MOSPD2: variants seen among roughly 807,000 people sequenced by gnomAD.
The protein encoded by MOSPD2 is motile sperm domain-containing protein 2.
MOSPD2 carries 5 observed loss-of-function variants against 41.7 expected under a neutral mutation model. The ratio of observed to expected loss-of-function variants is 0.12; its 90% CI spans 0.06 to 0.25. The LOEUF (loss-of-function observed/expected upper bound fraction) is 0.25. MOSPD2 is among the 10% of genes least tolerant of loss of function. The pLI is 1.00. For synonymous variants in MOSPD2, 115 were observed against 126.9 expected, an observed-to-expected ratio of 0.91 and a Z score of 0.63; for missense variants, 282 against 375.2, an observed-to-expected ratio of 0.75 and a Z score of 2.05.
chrX:14,880,428 G>A (rs747101438), intron 2 of MOSPD2, among the ~76,000 whole-genome samples: 1 of 111,123 alleles, frequency 9.0e-6, no homozygotes, highest in Non-Finnish European at 1.9e-5. Context: ...TTGAAATATT[G>A]ATTGTTTTCT....
Position 14,922,027 on chromosome X carries a change from C to T in MOSPD2, c.*2218C>T, listed in dbSNP as rs1013733780. ...TTGATCTGCAAGTAGCCTAAAAATG[C>T]GATTGCTGGTAAACCTGGCCTCAAA... On this transcript the variant is annotated 3_prime_UTR_variant, in exon 15 of 15. Coordinates refer to ENST00000380492, the MANE Select transcript of MOSPD2 (RefSeq NM_152581.4). 1.8e-5 allele frequency: 2 copies of T among 111,124 alleles called. No individual in the cohort carries two copies. Among genetic ancestry groups the T allele is most frequent in the East Asian group, 2.8e-4 (1 of 3,550 alleles). 9.2% of individuals were successfully genotyped at this position (111,124 alleles called of 1,213,427 possible).
At chrX:14,902,627 A>G (rs1602033692) in intron 6 of MOSPD2, among the ~76,000 whole-genome samples, 1 of 111,810 alleles carries the variant, frequency 8.9e-6, no homozygotes, top group Non-Finnish European at 1.9e-5. Context: ...CAAAAACTCC[A>G]TTTATCCACT....
intron 2 of MOSPD2, among the ~76,000 whole-genome samples, chrX:14,889,508 T>A (rs1433209089): frequency 9.1e-6 from 1 of 109,504 alleles, no homozygotes; most frequent in Non-Finnish European, 1.9e-5. Context: ...TGTGTCTCAT[T>A]CTATCTGTCT....
chrX:14,906,219 T>C (rs1365010472), intron 7 of MOSPD2, among the ~76,000 whole-genome samples: 2 of 112,355 alleles, frequency 1.8e-5, no homozygotes, highest in Non-Finnish European at 3.8e-5. Context: ...ACATTGGGCA[T>C]GTATGGGCAT....
rs2092610260 is a variant in MOSPD2, at chrX:14,921,857, A to G, written c.*2048A>G. The G allele has an allele frequency of 8.9e-6, 1 of 111,845 alleles. No homozygotes were observed. The highest frequency in any genetic ancestry group is 1.9e-5 in the Non-Finnish European group (1 of 53,313). 9.2% of individuals were successfully genotyped at this position (111,845 alleles called of 1,213,427 possible). On this transcript the variant is annotated 3_prime_UTR_variant, in exon 15 of 15. Coordinates refer to ENST00000380492, the MANE Select transcript of MOSPD2 (RefSeq NM_152581.4). The stretch of plus-strand genomic sequence containing the variant: ...AATTGCATGATTTTTTTGGTACTCT[A>G]ATCAGTAATTTTATTTTTAATCATG...
At chrX:14,905,189 C>A (rs965987990) in intron 7 of MOSPD2, among the ~76,000 whole-genome samples, 1 of 111,771 alleles carries the variant, frequency 8.9e-6, no homozygotes, top group African/African-American at 3.3e-5. Context: ...ATGCTTCCCC[C>A]CTAAGATCAG....
chrX:14,921,206 G>T lies in MOSPD2; in HGVS notation c.*1397G>T. ...GAGTTTCGATTGAGCCATGTTTGGA[G>T]ATTTTATTACTATTCTGAAGGGTAG... On this transcript the variant is annotated 3_prime_UTR_variant, in exon 15 of 15. Coordinates refer to ENST00000380492, the MANE Select transcript of MOSPD2 (RefSeq NM_152581.4). 3 of 916,268 alleles carry T rather than the reference G, an allele frequency of 3.3e-6. No individual in the cohort carries two copies. Among genetic ancestry groups the T allele is most frequent in the Non-Finnish European group, 2.7e-6 (2 of 742,085 alleles). The allele number at this position is 916,268 out of a possible 1,213,427, so 75.5% of individuals were successfully genotyped here. A position where few individuals can be genotyped will look rare whatever the true frequency, so the allele number is the denominator to read the frequency against.
In MOSPD2 at chrX:14,873,545, G is replaced by A; in HGVS notation, c.9+8G>A. On this transcript the variant is annotated splice_region_variant and intron_variant, in intron 1 of 14. Transcript: ENST00000380492. ...ACGGTGATCATGGCAGAGGTGAGGA[G>A]CCTATTGCACCGCCGCTGGCCCCCC... 1 of 1,212,062 alleles carries A rather than the reference G, an allele frequency of 8.3e-7. No homozygotes were observed. The highest frequency in any genetic ancestry group is 1.8e-5 in the South Asian group (1 of 57,048).
intron 4 of MOSPD2, 76 bp downstream of exon 4, chrX:14,895,470 TG>T: frequency 1.6e-6 from 1 of 611,062 alleles, no homozygotes; most frequent in Non-Finnish European, 2.7e-6. Flanking sequence ...AATTAAGAAT[TG>T]GCAGAACTTT....
intron 5 of MOSPD2, among the ~76,000 whole-genome samples, chrX:14,899,171 C>T (rs1254754623): frequency 2.9e-5 from 3 of 103,352 alleles, no homozygotes; most frequent in African/African-American, 6.7e-5. Flanking sequence ...TAATAACAGC[C>T]TCCTCGAAAA....
In MOSPD2 at chrX:14,900,603, A is replaced by G; in HGVS notation, c.506A>G (p.Asn169Ser). ...IDMDFVRFIINCFKVYYPKYL... is the reference protein window; with the variant it reads ...IDMDFVRFIISCFKVYYPKYL... ...ATGGACTTTGTACGCTTTATCATCA[A>G]CTGCTTTAAGGTTTATTACCCTAAA... Residue 169 changes from asparagine to serine, a missense_variant, in exon 6 of 15, where the codon AAC becomes AGC. By Grantham distance (46) the Asn-to-Ser change is conservative. Coordinates refer to ENST00000380492, the MANE Select transcript of MOSPD2 (RefSeq NM_152581.4). 2 of 1,138,348 alleles carry G rather than the reference A, an allele frequency of 1.8e-6. No individual in the cohort carries two copies. Among genetic ancestry groups the G allele is most frequent in the Non-Finnish European group, 2.4e-6 (2 of 842,454 alleles). The allele number at this position is 1,138,348 out of a possible 1,213,427, so 93.8% of individuals were successfully genotyped here.
At chrX:14,919,596 G>C in intron 14 of MOSPD2, 76 bp from the exon 15 acceptor site, 1 of 794,485 alleles carries the variant, frequency 1.3e-6, no homozygotes, top group Non-Finnish European at 1.9e-6. Context: ...TGGATTTCTA[G>C]TATTCCTGTT....
chrX:14,885,655 G>C (rs912137939), intron 2 of MOSPD2, among the ~76,000 whole-genome samples: 1 of 110,926 alleles, frequency 9.0e-6, no homozygotes, highest in Non-Finnish European at 1.9e-5. Flanking sequence ...ATAGGCTTAT[G>C]ATAACAACAC....
At chrX:14,886,535 ACG>A (rs1205767689) in intron 2 of MOSPD2, among the ~76,000 whole-genome samples, 2 of 106,533 alleles carry the variant, frequency 1.9e-5, no homozygotes, top group Non-Finnish European at 3.9e-5. Context: ...ACACACATGC[ACG>A]CACACACACG....
At chrX:14,889,604 C>T (rs1287912290) in intron 2 of MOSPD2, among the ~76,000 whole-genome samples, 2 of 109,024 alleles carry the variant, frequency 1.8e-5, no homozygotes, top group Non-Finnish European at 3.8e-5. Context: ...GCCTCTCTCC[C>T]CCAACCCCCA....
intron 2 of MOSPD2, among the ~76,000 whole-genome samples, chrX:14,886,586 G>T (rs2092541973): frequency 9.1e-6 from 1 of 109,558 alleles, no homozygotes; most frequent in African/African-American, 3.3e-5. Flanking sequence ...CAGCAACAGA[G>T]AATATAATAA....
intron 2 of MOSPD2, among the ~76,000 whole-genome samples, chrX:14,890,084 C>T (rs1418839411): frequency 9.0e-6 from 1 of 111,394 alleles, no homozygotes; most frequent in Non-Finnish European, 1.9e-5. Context: ...TTTTCACTTT[C>T]TTTACATTTG....
intron 7 of MOSPD2, among the ~76,000 whole-genome samples, chrX:14,907,005 C>T (rs1299053155): frequency 9.0e-6 from 1 of 111,665 alleles, no homozygotes; most frequent in East Asian, 2.8e-4. Context: ...ACCTGGGCAA[C>T]AAGAGTGAAA....
At chrX:14,902,899 G>A in intron 6 of MOSPD2, 67 bp from the exon 7 acceptor site, 1 of 797,106 alleles carries the variant, frequency 1.3e-6, no homozygotes, top group Non-Finnish European at 1.9e-6. Context: ...TTTTTTCTAG[G>A]CTGGTATGAG....
Sources: allele counts gnomAD v4.1 joint callset (sites outside exome capture counted in the v4.1 genomes callset), GRCh38; gene constraint gnomAD v4.1.1; transcripts MANE v1.5; gene names NCBI Gene and HGNC (gene_info 2026-07-23, HGNC 2026-07-21).